MSH4: variants seen among roughly 807,000 people sequenced by gnomAD.
MSH4 encodes mutS protein homolog 4.
A neutral mutation model predicts 113.7 loss-of-function variants in MSH4; 106 were observed. That is an observed-to-expected ratio of 0.93 (90% CI 0.80 to 1.10). MSH4 has a LOEUF of 1.10. Among genes scored for constraint, MSH4 ranks in the 50% least tolerant of loss-of-function variants. The pLI is 0.00. For synonymous variants in MSH4, 368 were observed against 380.2 expected, an observed-to-expected ratio of 0.97 and a Z score of 0.37; for missense variants, 1,061 against 1,093.7, an observed-to-expected ratio of 0.97 and a Z score of 0.42.
chr1:75,815,172 A>G (rs1238954114), intron 5 of MSH4, 36 bp downstream of exon 5: 1 of 1,094,358 alleles, frequency 9.1e-7, no homozygotes, highest in Non-Finnish European at 1.3e-6. Flanking sequence ...TTACTAGCCC[A>G]CAGCTACCAA....
At chr1:75,902,673 G>GTGTATATA (rs1652530213) in intron 19 of MSH4, among the ~76,000 whole-genome samples, 1 of 90,204 alleles carries the variant, frequency 1.1e-5, no homozygotes, top group Non-Finnish European at 2.3e-5. Context: ...ATATGTGTAT[G>GTGTATATA]TATATATATA....
rs5745476 is a variant in MSH4 at position 75,882,498 on chromosome 1, T to C, written c.1907-1123T>C. On this transcript the variant is annotated intron_variant, in intron 14 of 19. Coordinates refer to ENST00000263187, the MANE Select transcript of MSH4 (RefSeq NM_002440.4). ...TTTCTATAGATTAGCAGATTATTTGTGTTGATCTTCTCTATTCTCATTCTC... is the reference window on the plus strand; with the variant it reads ...TTTCTATAGATTAGCAGATTATTTGCGTTGATCTTCTCTATTCTCATTCTC... Among the ~76,000 whole-genome samples, 1,183 of 152,046 alleles carry C rather than the reference T, an allele frequency of 7.8e-3. 17 individuals carry two copies. The highest frequency in any genetic ancestry group is 0.027 in the African/African-American group (1,122 of 41,484).
At chr1:75,841,892 A>G (rs1336696470) in intron 7 of MSH4, among the ~76,000 whole-genome samples, 1 of 152,186 alleles carries the variant, frequency 6.6e-6, no homozygotes, top group African/African-American at 2.4e-5. Flanking sequence ...AGCCTATTCT[A>G]ATTTTTTAAA....
chr1:75,849,613 A>G (rs1027570105), intron 8 of MSH4, among the ~76,000 whole-genome samples: 1 of 152,186 alleles, frequency 6.6e-6, no homozygotes, highest in Non-Finnish European at 1.5e-5. Flanking sequence ...GTTTCCTTAA[A>G]TAATTGAAGC....
chr1:75,810,887 T>A, intron 4 of MSH4, 80 bp downstream of exon 4: 1 of 704,922 alleles, frequency 1.4e-6, no homozygotes, highest in Non-Finnish European at 2.2e-6. Flanking sequence ...TATTTATTTT[T>A]TTGAGACAGA....
intron 9 of MSH4, among the ~76,000 whole-genome samples, chr1:75,869,271 G>A (rs75792815): frequency 0.022 from 3,306 of 152,222 alleles, 126 homozygotes; most frequent in African/African-American, 0.076. Context: ...AGGGTATCCA[G>A]GGGGAAGAAA....
At chr1:75,852,445 AGGAACTGCT>A (rs1651209535) in intron 8 of MSH4, among the ~76,000 whole-genome samples, 1 of 152,204 alleles carries the variant, frequency 6.6e-6, no homozygotes, top group South Asian at 2.1e-4. Context: ...TAATAATTTG[AGGAACTGCT>A]GGATTGTTTT....
chr1:75,801,317 C>T (rs1350046046), intron 1 of MSH4, among the ~76,000 whole-genome samples: 1 of 152,024 alleles, frequency 6.6e-6, no homozygotes, highest in African/African-American at 2.4e-5. Context: ...ATAATCCCAG[C>T]ACTTTGGGAG....
In MSH4 at chr1:75,842,541, CTT is replaced by C. The variant is rs1195765960; in HGVS notation, c.1163-5666_1163-5665del. 5.3e-5 allele frequency among the ~76,000 whole-genome samples: 8 copies of C among 152,302 alleles called. No individual in the cohort carries two copies. The East Asian group carries it at 1.5e-3, about 29-fold the overall frequency. Reference sequence around the variant, plus strand: ...TAATCATTAGTTTGTAGCAATTACTCTTTATTCCAATATTATAATAATCCTCA... The same window carrying C: ...TAATCATTAGTTTGTAGCAATTACTCTATTCCAATATTATAATAATCCTCA... On this transcript the variant is annotated intron_variant, in intron 7 of 19. Coordinates refer to ENST00000263187, the MANE Select transcript of MSH4 (RefSeq NM_002440.4).
intron 4 of MSH4, 85 bp from the exon 5 acceptor site, chr1:75,814,936 C>T: frequency 1.4e-6 from 1 of 698,482 alleles, no homozygotes; most frequent in Non-Finnish European, 2.5e-6. Context: ...ATTTAAGCCA[C>T]TTACCTAGCA....
chr1:75,839,456 C>T (rs1462446921), intron 7 of MSH4, among the ~76,000 whole-genome samples: 1 of 152,144 alleles, frequency 6.6e-6, no homozygotes, highest in African/African-American at 2.4e-5. Context: ...CTCAAGTGAT[C>T]CACCTGCCTT....
intron 8 of MSH4, among the ~76,000 whole-genome samples, chr1:75,848,574 C>T (rs1166313175): frequency 6.6e-6 from 1 of 152,064 alleles, no homozygotes; most frequent in Non-Finnish European, 1.5e-5. Context: ...CCCATCTCTA[C>T]AAAGGATCAA....
intron 7 of MSH4, 108 bp from the exon 8 acceptor site, chr1:75,848,092 AGTAATATTT>A (rs973941360): frequency 2.0e-5 from 12 of 588,558 alleles, no homozygotes; most frequent in Non-Finnish European, 1.5e-5. Context: ...GAAGACAAAA[AGTAATATTT>A]GTAGGTAGAA....
rs534746296 is a variant in MSH4 at position 75,869,827 on chromosome 1, C to A, written c.1305+2239C>A. On this transcript the variant is annotated intron_variant, in intron 9 of 19. Coordinates refer to ENST00000263187, the MANE Select transcript of MSH4 (RefSeq NM_002440.4). ...ATGGAGAGCCTCTGTTAGGACAGTG[C>A]AGAAGGAAAATGGGCAAAAGCCCCC... 2.0e-5 allele frequency among the ~76,000 whole-genome samples: 3 copies of A among 152,308 alleles called. No homozygotes were observed. The East Asian group carries it at 5.8e-4, about 29-fold the overall frequency.
chr1:75,826,418 G>A (rs181569727), intron 7 of MSH4, among the ~76,000 whole-genome samples: 34 of 152,144 alleles, frequency 2.2e-4, no homozygotes, highest in Admixed American at 1.6e-3. Flanking sequence ...CCAGCTCCCC[G>A]GTTCATGGAG....
intron 7 of MSH4, among the ~76,000 whole-genome samples, chr1:75,823,489 T>A (rs1192254820): frequency 6.6e-6 from 1 of 152,162 alleles, no homozygotes; most frequent in African/African-American, 2.4e-5. Flanking sequence ...GGAATACATG[T>A]GCTGAAATGT....
intron 13 of MSH4, 105 bp from the exon 14 acceptor site, chr1:75,881,141 G>T: frequency 1.2e-6 from 1 of 852,030 alleles, no homozygotes; most frequent in South Asian, 1.8e-5. Flanking sequence ...ACTCAGATGT[G>T]AATATTATTT....
intron 8 of MSH4, among the ~76,000 whole-genome samples, chr1:75,859,181 GCTAT>G (rs1651395313): frequency 6.6e-6 from 1 of 151,768 alleles, no homozygotes; most frequent in Non-Finnish European, 1.5e-5. Context: ...TTGCTATTGG[GCTAT>G]CTCTTTTGTT....
chr1:75,837,790 C>T (rs1315775574), intron 7 of MSH4, among the ~76,000 whole-genome samples: 2 of 152,188 alleles, frequency 1.3e-5, no homozygotes, highest in Admixed American at 6.5e-5. Context: ...TTAACTCTTA[C>T]CTTCCTTCCA....
Sources: gnomAD v4.1 joint callset for allele counts (sites outside exome capture counted in the v4.1 genomes callset) on GRCh38, gnomAD v4.1.1 for gene constraint, MANE v1.5 for transcripts, NCBI Gene and HGNC (gene_info 2026-07-23, HGNC 2026-07-21) for gene names.